The following ZNF41 variants were observed in gnomAD, a reference collection of about 807,000 sequenced individuals.
ZNF41 encodes zinc finger protein 41.
ZNF41 carries 6 observed loss-of-function variants against 9.3 expected under a neutral mutation model. That is an observed-to-expected ratio of 0.65 (90% confidence interval 0.35 to 1.28). ZNF41 has a LOEUF of 1.28. ZNF41 is among the 50% of genes most tolerant of loss of function. The pLI is 0.03. For synonymous variants in ZNF41, 192 were observed against 207.1 expected, an observed-to-expected ratio of 0.93 and a Z score of 0.63; for missense variants, 523 against 585.8, an observed-to-expected ratio of 0.89 and a Z score of 1.11.
rs773841984 is a variant in ZNF41 at position 47,448,855 on chromosome X, G to A, written c.915C>T (p.Asn305=). The A allele has an allele frequency of 2.5e-6, 3 of 1,209,559 alleles. No individual in the cohort carries two copies. The highest frequency in any genetic ancestry group is 3.0e-5 in the East Asian group (1 of 33,771). Residue 305 remains asparagine (N), a synonymous_variant, in exon 5 of 5, where the codon AAC becomes AAT. Transcript: ENST00000684689. ...CCTGGGGTTTCTGGGGGAAGACTTT[G>A]TTGCTTTTGTCACATTCACGGGACT... The part of the protein sequence containing the change: ...GEKSRECDKS[N]KVFPQKPQVD...
Position 47,482,157 on chromosome X carries a change from C to T in ZNF41, c.-280+938G>A, listed in dbSNP as rs143972803. Among the ~76,000 whole-genome samples, 603 of 109,238 alleles carry T rather than the reference C, an allele frequency of 5.5e-3. 3 individuals are homozygous for T. The highest frequency in any genetic ancestry group is 0.019 in the African/African-American group (566 of 29,948). 94.9% of individuals were successfully genotyped at this position (109,238 alleles called of 115,157 possible). A position where few individuals can be genotyped will look rare whatever the true frequency, so the allele number is the denominator to read the frequency against. ...ATACCTTATCACTCACCCTAGAGAC[C>T]CTGTATCACTCACCCCACAGACCCC... On this transcript the variant is annotated intron_variant, in intron 1 of 4. Transcript: ENST00000684689.
chrX:47,471,586 T>C (rs940356202), intron 1 of ZNF41, among the ~76,000 whole-genome samples: 1 of 111,941 alleles, frequency 8.9e-6, no homozygotes, highest in Non-Finnish European at 1.9e-5. Context: ...ACCAGTGTTA[T>C]AGTCTTAATT....
At chrX:47,482,675 ATGGCTGTCTCCT>A (rs1256351937) in intron 1 of ZNF41, 1 of 112,907 alleles carries the variant, frequency 8.9e-6, no homozygotes, top group Admixed American at 9.2e-5. Flanking sequence ...GGCAAGGAAC[ATGGCTGTCTCCT>A]TGGGAGTGTC....
At position 47,448,991 on chromosome X, in the gene ZNF41, T is replaced by G. The variant is rs2056249851; in HGVS notation, c.779A>C (p.His260Pro). ...KHLSHKQAPT[H>P]HQKIHPEEKL... ...CTCCTCAGGATGAATTTTCTGATGG[T>G]GGGTGGGAGCTTGTTTGTGGCTGAG... is the stretch of plus-strand genomic sequence containing the variant. Residue 260 changes from histidine to proline, a missense_variant, in exon 5 of 5, where the codon CAC (histidine) becomes CCC (proline). Transcript: ENST00000684689. 1 of 1,211,610 alleles carries G rather than the reference T, an allele frequency of 8.3e-7. No individual in the cohort carries two copies. The highest frequency in any genetic ancestry group is 3.0e-5 in the East Asian group (1 of 33,829).
At chrX:47,475,337 C>T (rs1056340270) in intron 1 of ZNF41, among the ~76,000 whole-genome samples, 1 of 109,711 alleles carries the variant, frequency 9.1e-6, no homozygotes, top group Admixed American at 9.8e-5. Context: ...AAATTAATCC[C>T]CCCCACCAGA....
Position 47,448,556 on chromosome X carries a change from T to C in ZNF41, c.1214A>G (p.His405Arg). ...GCATTCATAGTGTTTCTCTCCGGTA[T>C]GAGTTTTCTGATGTATACTGAGGTC... ...NSDLSIHQKT[H>R]TGEKHYECNE... The change falls in exon 5 of 5, where the codon CAT (histidine) becomes CGT (arginine). Residue 405 changes from histidine to arginine, a missense_variant. By Grantham distance (29) the His-to-Arg change is conservative (BLOSUM62 0). Transcript: ENST00000684689. 8.3e-7 allele frequency: 1 copy of C among 1,211,176 alleles called. No homozygotes were observed. The highest frequency in any genetic ancestry group is 1.8e-5 in the South Asian group (1 of 56,983).
At chrX:47,472,351 T>C (rs1241912144) in intron 1 of ZNF41, among the ~76,000 whole-genome samples, 2 of 109,021 alleles carry the variant, frequency 1.8e-5, no homozygotes. Context: ...TCTCATCCCA[T>C]GAACACTCTG....
intron 4 of ZNF41, among the ~76,000 whole-genome samples, chrX:47,455,082 C>T (rs2056504811): frequency 9.2e-6 from 1 of 108,645 alleles, no homozygotes; most frequent in Non-Finnish European, 1.9e-5. Flanking sequence ...CCCATCTCTA[C>T]TAAAAATACA....
At chrX:47,477,433 C>T (rs1201763567) in intron 1 of ZNF41, among the ~76,000 whole-genome samples, 1 of 112,808 alleles carries the variant, frequency 8.9e-6, no homozygotes, top group African/African-American at 3.2e-5. Flanking sequence ...CGTGAGCCAC[C>T]GTGCCCAGCT....
chrX:47,457,804 T>G (rs1281530538), intron 2 of ZNF41, among the ~76,000 whole-genome samples: 1 of 112,240 alleles, frequency 8.9e-6, no homozygotes, highest in Non-Finnish European at 1.9e-5. Flanking sequence ...GCCACTGCAC[T>G]CCAGCCTGGG....
intron 2 of ZNF41, among the ~76,000 whole-genome samples, chrX:47,457,708 G>A (rs773855869): frequency 9.0e-6 from 1 of 111,638 alleles, no homozygotes; most frequent in Admixed American, 9.5e-5. Context: ...GGCACGGCGG[G>A]TGTCTGTAAT....
chrX:47,448,108 A>G lies in ZNF41; in HGVS notation c.1662T>C (p.Asn554=), dbSNP rs755366069. ...TCCATATGAAGGCTTTTCCACAGCCATTGCACTTATAGGGTTTCTCTCCAG... is the reference window on the plus strand; with the variant it reads ...TCCATATGAAGGCTTTTCCACAGCCGTTGCACTTATAGGGTTTCTCTCCAG... ...THTGEKPYKC[N]GCGKAFIWKS... Residue 554 remains asparagine, a synonymous_variant, in exon 5 of 5, where the codon AAT becomes AAC. Coordinates refer to ENST00000684689, the MANE Select transcript of ZNF41 (RefSeq NM_001324144.2). The G allele has an allele frequency of 3.3e-6, 4 of 1,209,386 alleles. No individual in the cohort carries two copies. Among genetic ancestry groups the G allele is most frequent in the Non-Finnish European group, 4.5e-6 (4 of 895,158 alleles).
At chrX:47,455,367 T>C (rs896965213) in intron 4 of ZNF41, among the ~76,000 whole-genome samples, 2 of 108,570 alleles carry the variant, frequency 1.8e-5, no homozygotes, top group Non-Finnish European at 3.8e-5. Flanking sequence ...GGCAGATCAG[T>C]TGAGCCCAGG....
intron 2 of ZNF41, among the ~76,000 whole-genome samples, chrX:47,459,848 C>G (rs943250290): frequency 1.0e-5 from 1 of 97,631 alleles, no homozygotes; most frequent in Admixed American, 1.1e-4. Flanking sequence ...CATGCCAAAA[C>G]AATAACATTG....
rs201737290 is a variant in ZNF41, at chrX:47,449,842, TG to T, written c.296-369del. 6.0e-3 allele frequency among the ~76,000 whole-genome samples: 668 copies of T among 111,770 alleles called. 4 individuals are homozygous for T. Among genetic ancestry groups the T allele is most frequent in the African/African-American group, 0.021 (640 of 30,808 alleles). On this transcript the variant is annotated intron_variant, in intron 4 of 4. Coordinates refer to ENST00000684689, the MANE Select transcript of ZNF41 (RefSeq NM_001324144.2). ...CGAATAGCTAAATAAGTGGGAGAGA[TG>T]GGATTTGAACTCTGGGAGTCCAGCT...
At chrX:47,454,395 A>G (rs2056476417) in intron 4 of ZNF41, among the ~76,000 whole-genome samples, 1 of 111,535 alleles carries the variant, frequency 9.0e-6, no homozygotes, top group Non-Finnish European at 1.9e-5. Context: ...TGACCAAAAA[A>G]TGAGAAACTC....
At chrX:47,453,249 G>A (rs1162069745) in intron 4 of ZNF41, among the ~76,000 whole-genome samples, 8 of 111,304 alleles carry the variant, frequency 7.2e-5, no homozygotes, top group South Asian at 3.8e-4. Flanking sequence ...TCTTAATTCC[G>A]GAGACTTTCT....
chrX:47,448,162 T>C lies in ZNF41; in HGVS notation c.1608A>G (p.Ser536=). 8.3e-7 allele frequency: 1 copy of C among 1,211,857 alleles called. No individual in the cohort carries two copies. Among genetic ancestry groups the C allele is most frequent in the Non-Finnish European group, 1.1e-6 (1 of 895,573 alleles). ...GAGTTTTCTGGTGTTTAATGAGATT[T>C]GACTGGTCAGTAAAAGCCTTTCCAC... The part of the protein sequence containing the change: ...AECGKAFTDQ[S]NLIKHQKTHT... Residue 536 remains serine (S), a synonymous_variant, in exon 5 of 5, where the codon TCA becomes TCG. Transcript: ENST00000684689.
chrX:47,473,474 G>A (rs906301685), intron 1 of ZNF41, among the ~76,000 whole-genome samples: 2 of 111,715 alleles, frequency 1.8e-5, no homozygotes, highest in African/African-American at 6.5e-5. Flanking sequence ...AAACAATAAA[G>A]AAGTACTAAC....
Sources: allele counts gnomAD v4.1 joint callset (sites outside exome capture counted in the v4.1 genomes callset), GRCh38; gene constraint gnomAD v4.1.1; transcripts MANE v1.5; gene names NCBI Gene and HGNC (gene_info 2026-07-23, HGNC 2026-07-21).